Variants in ASIC2 observed in about 807,000 individuals in gnomAD.
The protein encoded by ASIC2 is acid sensing ion channel subunit 2, also known as acid-sensing ion channel 2.
In ASIC2, 25 loss-of-function variants were observed where a neutral mutation model predicts 57.3. The observed-to-expected ratio is 0.44, with a 90% CI of 0.32 to 0.61. The LOEUF (loss-of-function observed/expected upper bound fraction) is 0.61. Ranked by LOEUF, ASIC2 falls within the 20% of genes least tolerant of loss-of-function variation. The pLI is 0.06. For synonymous variants in ASIC2, 319 were observed against 307.5 expected, an observed-to-expected ratio of 1.04 and a Z score of -0.39; for missense variants, 641 against 738.1, an observed-to-expected ratio of 0.87 and a Z score of 1.52.
chr17:33,478,298 GC>G (rs1257594269), intron 1 of ASIC2, among the ~76,000 whole-genome samples: 1 of 152,238 alleles, frequency 6.6e-6, no homozygotes, highest in Non-Finnish European at 1.5e-5. Flanking sequence ...GCGCCCAGGG[GC>G]TAGGGGGCTT....
chr17:33,843,105 T>C (rs1283624219), intron 1 of ASIC2, among the ~76,000 whole-genome samples: 2 of 152,228 alleles, frequency 1.3e-5, no homozygotes, highest in Non-Finnish European at 2.9e-5. Flanking sequence ...CCCTGCTTTA[T>C]TTTCATCATT....
chr17:33,424,531 C>T (rs1344642995), intron 1 of ASIC2, among the ~76,000 whole-genome samples: 2 of 152,198 alleles, frequency 1.3e-5, no homozygotes, highest in Non-Finnish European at 2.9e-5. Context: ...TGGATTTGCA[C>T]ATTGGGTAGC....
At chr17:33,758,929 AAAAAATGGT>A (rs1910695142) in intron 1 of ASIC2, among the ~76,000 whole-genome samples, 1 of 152,120 alleles carries the variant, frequency 6.6e-6, no homozygotes, top group Non-Finnish European at 1.5e-5. Flanking sequence ...AAAAAAAAAA[AAAAAATGGT>A]ATTGAGAAGT....
At chr17:33,647,714 C>T (rs796772400) in intron 1 of ASIC2, among the ~76,000 whole-genome samples, 5 of 152,332 alleles carry the variant, frequency 3.3e-5, no homozygotes, top group African/African-American at 9.6e-5. Context: ...GAATGACAGA[C>T]AGAGGATGGG....
chr17:34,103,202 G>A lies in ASIC2; in HGVS notation c.555+52776C>T, dbSNP rs534114581. On this transcript the variant is annotated intron_variant, in intron 1 of 9. Transcript: ENST00000359872. ...ATTTAGTCACCCAGGTTGAAATGCC[G>A]TGGCACTATCATGCCTCAACGTAGC... is the stretch of plus-strand genomic sequence containing the variant. Among the ~76,000 whole-genome samples, 394 of 152,252 alleles carry A rather than the reference G, an allele frequency of 2.6e-3. 4 individuals are homozygous for A. Among genetic ancestry groups the A allele is most frequent in the African/African-American group, 9.0e-3 (374 of 41,558 alleles).
At chr17:33,776,431 GA>G (rs1911280964) in intron 1 of ASIC2, among the ~76,000 whole-genome samples, 1 of 152,222 alleles carries the variant, frequency 6.6e-6, no homozygotes, top group African/African-American at 2.4e-5. Context: ...CCAGCCTCTA[GA>G]ATGATTGGTT....
intron 1 of ASIC2, among the ~76,000 whole-genome samples, chr17:33,134,348 G>A (rs898490889): frequency 2.4e-4 from 36 of 152,268 alleles, no homozygotes; most frequent in African/African-American, 8.4e-4. Flanking sequence ...CCCTCCAAAA[G>A]CTTACAGAGC....
chr17:33,762,471 C>T (rs1214493088), intron 1 of ASIC2, among the ~76,000 whole-genome samples: 1 of 152,152 alleles, frequency 6.6e-6, no homozygotes, highest in Admixed American at 6.5e-5. Flanking sequence ...TTTGGGTTCA[C>T]TGAATGCAGA....
Position 34,099,786 on chromosome 17 carries a change from GAAAGAA to G in ASIC2, c.555+56186_555+56191del, listed in dbSNP as rs1567821816. Among the ~76,000 whole-genome samples, 8 of 64,790 alleles carry G rather than the reference GAAAGAA, an allele frequency of 1.2e-4. 1 individual carries two copies. Among genetic ancestry groups the G allele is most frequent in the Non-Finnish European group, 1.4e-4 (4 of 29,078 alleles). 42.5% of individuals were successfully genotyped at this position (64,790 alleles called of 152,430 possible). On this transcript the variant is annotated intron_variant, in intron 1 of 9. Transcript: ENST00000359872. ...AGAAAGAAAGAAAGAAAGAAAGAAAGAAAGAAAGAAAGAAAGAAAAGAGAATCTCAT... is the reference window on the plus strand; with the variant it reads ...AGAAAGAAAGAAAGAAAGAAAGAAAGAGAAAGAAAGAAAAGAGAATCTCAT...
chr17:33,782,975 C>G (rs575834631), intron 1 of ASIC2, among the ~76,000 whole-genome samples: 14 of 152,338 alleles, frequency 9.2e-5, no homozygotes, highest in Non-Finnish European at 1.3e-4. Context: ...CTGCTGTTCT[C>G]TCTGCCTGGA....
chr17:33,140,076 C>G (rs1398175863), intron 1 of ASIC2, among the ~76,000 whole-genome samples: 2 of 152,252 alleles, frequency 1.3e-5, no homozygotes, highest in Non-Finnish European at 2.9e-5. Flanking sequence ...TAAGAAGATA[C>G]AGATTCCTGG....
At chr17:33,550,542 TGTAGTA>T (rs1455137014) in intron 1 of ASIC2, among the ~76,000 whole-genome samples, 1 of 152,202 alleles carries the variant, frequency 6.6e-6, no homozygotes, top group Non-Finnish European at 1.5e-5. Context: ...AGCTCTATTG[TGTAGTA>T]GTTAAACAGC....
intron 1 of ASIC2, among the ~76,000 whole-genome samples, chr17:33,425,424 C>T (rs574876736): frequency 2.0e-5 from 3 of 152,256 alleles, no homozygotes; most frequent in African/African-American, 7.2e-5. Context: ...GAGAGATGTA[C>T]ATAATAGTTG....
At chr17:33,678,576 T>G (rs1348355313) in intron 1 of ASIC2, among the ~76,000 whole-genome samples, 1 of 151,928 alleles carries the variant, frequency 6.6e-6, no homozygotes, top group Non-Finnish European at 1.5e-5. Context: ...TGACACCCAG[T>G]CCACAGCCGA....
At position 33,328,147 on chromosome 17, in the gene ASIC2, GCAGCTC is replaced by G. The variant is rs1267398326; in HGVS notation, c.556-216086_556-216081del. ...ACTCAGTTTGCAACATTTTGTTACAGCAGCTCTACTAGGAAATAAGTGCTGATGGTG... is the reference window on the plus strand; with the variant it reads ...ACTCAGTTTGCAACATTTTGTTACAGTACTAGGAAATAAGTGCTGATGGTG... On this transcript the variant is annotated intron_variant, in intron 1 of 9. Coordinates refer to the ASIC2 transcript ENST00000359872. Among the ~76,000 whole-genome samples, 6 of 12,668 alleles carry G rather than the reference GCAGCTC, an allele frequency of 4.7e-4. 1 individual carries two copies. The highest frequency in any genetic ancestry group is 9.5e-4 in the Non-Finnish European group (6 of 6,302). 8.3% of individuals were successfully genotyped at this position (12,668 alleles called of 152,430 possible). A position where few individuals can be genotyped will look rare whatever the true frequency, so the allele number is the denominator to read the frequency against.
At chr17:33,350,566 C>G (rs757804101) in intron 1 of ASIC2, among the ~76,000 whole-genome samples, 2 of 151,952 alleles carry the variant, frequency 1.3e-5, no homozygotes, top group Non-Finnish European at 2.9e-5. Flanking sequence ...CCTGTAGTCC[C>G]AGCTACTCAG....
chr17:33,291,685 G>A lies in ASIC2; in HGVS notation c.431C>T (p.Pro144Leu), dbSNP rs748498914. The A allele has an allele frequency of 6.8e-6, 11 of 1,613,320 alleles. No individual in the cohort carries two copies. Among genetic ancestry groups the A allele is most frequent in the African/African-American group, 6.7e-5 (5 of 74,930 alleles). Reference sequence around the variant, plus strand: ...GTAGAGGTCCCCCTTGGAGAGGCGCGGGAAGCGCAGCGGGTTGTTGTTGCA... The same window carrying A: ...GTAGAGGTCCCCCTTGGAGAGGCGCAGGAAGCGCAGCGGGTTGTTGTTGCA... ...TVCNNNPLRF[P>L]RLSKGDLYYA... The change falls in exon 1 of 10, where the codon CCG (proline) becomes CTG (leucine). Residue 144 changes from proline (P) to leucine (L), a missense_variant. Pro to Leu is a moderately conservative substitution (Grantham distance 98). This residue lies in a region of ASIC2 where 382 missense variants were observed against 398.0 expected (regional missense o/e 0.96). Coordinates refer to ENST00000225823, the MANE Select transcript of ASIC2 (RefSeq NM_183377.2).
At chr17:33,626,695 A>G (rs1410249336) in intron 1 of ASIC2, among the ~76,000 whole-genome samples, 1 of 152,138 alleles carries the variant, frequency 6.6e-6, no homozygotes, top group Non-Finnish European at 1.5e-5. Context: ...CACTCCTGAC[A>G]TCCAATCAAT....
chr17:33,495,014 C>T (rs1192002276), intron 1 of ASIC2, among the ~76,000 whole-genome samples: 1 of 152,188 alleles, frequency 6.6e-6, no homozygotes, highest in Non-Finnish European at 1.5e-5. Context: ...TCAGAACCAC[C>T]TGCAAAGAAG....
Sources: allele counts gnomAD v4.1 joint callset (sites outside exome capture counted in the v4.1 genomes callset), GRCh38; gene constraint gnomAD v4.1.1; regional missense constraint gnomAD v4.1.1; transcripts MANE v1.5; gene names NCBI Gene and HGNC (gene_info 2026-07-23, HGNC 2026-07-21).